Variants in GFRAL observed in about 807,000 individuals in gnomAD.
GFRAL encodes GDNF family receptor alpha-like.
In GFRAL, 36 loss-of-function variants were observed where a neutral mutation model predicts 45.4. The ratio of observed to expected loss-of-function variants is 0.79; its 90% confidence interval spans 0.61 to 1.05. GFRAL has a LOEUF of 1.05. Ranked by LOEUF, GFRAL falls within the 50% of genes least tolerant of loss-of-function variation. GFRAL has a pLI of 0.00. For synonymous variants in GFRAL, 166 were observed against 154.1 expected, an observed-to-expected ratio of 1.08 and a Z score of -0.57; for missense variants, 507 against 467.5, an observed-to-expected ratio of 1.08 and a Z score of -0.78.
intron 6 of GFRAL, among the ~76,000 whole-genome samples, chr6:55,363,442 T>A (rs914758151): frequency 6.6e-6 from 1 of 151,908 alleles, no homozygotes; most frequent in Non-Finnish European, 1.5e-5. Flanking sequence ...TTCTTTTTTT[T>A]TTTTTTAATT....
intron 6 of GFRAL, among the ~76,000 whole-genome samples, chr6:55,390,257 A>T (rs1768730674): frequency 6.6e-6 from 1 of 152,236 alleles, no homozygotes; most frequent in Non-Finnish European, 1.5e-5. Context: ...AAAAATTTTC[A>T]TTAGTGGTAT....
chr6:55,365,866 A>G (rs1768354656), intron 6 of GFRAL, among the ~76,000 whole-genome samples: 1 of 146,584 alleles, frequency 6.8e-6, no homozygotes, highest in Non-Finnish European at 1.5e-5. Flanking sequence ...GGTTTTTTGC[A>G]TCAATGTTCA....
In GFRAL at chr6:55,367,695, T is replaced by G. The variant is rs1320251675; in HGVS notation, c.952+8557T>G. On this transcript the variant is annotated intron_variant, in intron 6 of 8. Coordinates refer to ENST00000340465, the MANE Select transcript of GFRAL (RefSeq NM_207410.2). ...GTAAAGTATTTTATTTCTTCTTCACTTATGAAGCTTAGTTTGGCTGGATAT... is the reference window on the plus strand; with the variant it reads ...GTAAAGTATTTTATTTCTTCTTCACGTATGAAGCTTAGTTTGGCTGGATAT... 3.7e-3 allele frequency among the ~76,000 whole-genome samples: 546 copies of G among 149,318 alleles called. 4 individuals are homozygous for G. The highest frequency in any genetic ancestry group is 0.013 in the African/African-American group (511 of 39,740).
intron 3 of GFRAL, among the ~76,000 whole-genome samples, chr6:55,348,071 A>T (rs1172887570): frequency 6.6e-6 from 1 of 152,166 alleles, no homozygotes; most frequent in Non-Finnish European, 1.5e-5. Context: ...TAGATATTAG[A>T]GCATATTTTA....
chr6:55,391,523 A>G (rs1184029795), intron 6 of GFRAL, among the ~76,000 whole-genome samples: 1 of 152,160 alleles, frequency 6.6e-6, no homozygotes, highest in Non-Finnish European at 1.5e-5. Context: ...GGCCAAGGTA[A>G]GAGGATTGCT....
At chr6:55,349,437 T>C (rs1435607377) in intron 3 of GFRAL, among the ~76,000 whole-genome samples, 2 of 152,098 alleles carry the variant, frequency 1.3e-5, no homozygotes, top group African/African-American at 4.8e-5. Flanking sequence ...CTTTTGGCTT[T>C]GTTTTATATG....
chr6:55,362,523 T>A (rs918187691), intron 6 of GFRAL, among the ~76,000 whole-genome samples: 21 of 151,926 alleles, frequency 1.4e-4, no homozygotes, highest in Non-Finnish European at 2.2e-4. Flanking sequence ...CACAACAAAC[T>A]TACTTGTCTG....
At chr6:55,331,965 T>A in intron 2 of GFRAL, 116 bp downstream of exon 2, 1 of 891,566 alleles carries the variant, frequency 1.1e-6, no homozygotes, top group African/African-American at 1.7e-5. Context: ...TCTTATTTAA[T>A]CTTGACCCCC....
At position 55,401,927 on chromosome 6, in the gene GFRAL, C is replaced by T; in HGVS notation, c.*74C>T. ...CTTCTTTCCTCTTTTCTTCTCTCCT[C>T]TCCTCTCCTCTCTTCTCCTCTCCTC... On this transcript the variant is annotated 3_prime_UTR_variant, in exon 9 of 9. Coordinates refer to ENST00000340465, the MANE Select transcript of GFRAL (RefSeq NM_207410.2). 1.3e-6 allele frequency: 1 copy of T among 793,952 alleles called. No homozygotes were observed. Among genetic ancestry groups the T allele is most frequent in the Non-Finnish European group, 2.2e-6 (1 of 461,166 alleles). The allele number at this position is 793,952 out of a possible 1,614,324, so 49.2% of individuals were successfully genotyped here.
intron 6 of GFRAL, among the ~76,000 whole-genome samples, chr6:55,393,238 T>C (rs1235595277): frequency 2.0e-5 from 3 of 152,216 alleles, no homozygotes; most frequent in Non-Finnish European, 4.4e-5. Context: ...ATTTAGGTAA[T>C]GTATGCCACT....
chr6:55,364,919 C>T (rs1332682667), intron 6 of GFRAL, among the ~76,000 whole-genome samples: 20 of 152,078 alleles, frequency 1.3e-4, no homozygotes, highest in South Asian at 6.2e-4. Flanking sequence ...CTTGGTGATG[C>T]GGGCTCTTTT....
intron 6 of GFRAL, among the ~76,000 whole-genome samples, chr6:55,398,197 T>C (rs1768851872): frequency 6.6e-6 from 1 of 152,206 alleles, no homozygotes; most frequent in Non-Finnish European, 1.5e-5. Context: ...CTGTTGTCAC[T>C]AGTTTTCATC....
chr6:55,343,886 G>T lies in GFRAL; in HGVS notation c.317-6206G>T, dbSNP rs544471453. Among the ~76,000 whole-genome samples, 3 of 152,004 alleles carry T rather than the reference G, an allele frequency of 2.0e-5. No homozygotes were observed. In the East Asian group the frequency reaches 5.8e-4, roughly 29 times the overall value. On this transcript the variant is annotated intron_variant, in intron 3 of 8. Coordinates refer to ENST00000340465, the MANE Select transcript of GFRAL (RefSeq NM_207410.2). ...AGAAATACATCCCACAGAAATACAA[G>T]CTACCATCAGAGAATAAACACCTCT...
intron 5 of GFRAL, 56 bp from the exon 6 acceptor site, chr6:55,358,832 G>A: frequency 6.6e-7 from 1 of 1,519,432 alleles, no homozygotes; most frequent in Non-Finnish European, 9.0e-7. Context: ...GGGATCACAT[G>A]TTAATGTGAA....
chr6:55,395,175 A>AAAAAAATAT, intron 6 of GFRAL, among the ~76,000 whole-genome samples: 7 of 123,488 alleles, frequency 5.7e-5, no homozygotes, highest in African/African-American at 2.4e-4. Context: ...AAAAAAAAAA[A>AAAAAAATAT]ATATATATAT....
At chr6:55,365,376 C>G (rs201959637) in intron 6 of GFRAL, among the ~76,000 whole-genome samples, 12,958 of 132,334 alleles carry the variant, frequency 0.098, 1,051 homozygotes, top group African/African-American at 0.21. Flanking sequence ...ACAATCATGT[C>G]ATCTGCAAAC....
At chr6:55,361,562 G>A (rs185543019) in intron 6 of GFRAL, among the ~76,000 whole-genome samples, 1 of 151,474 alleles carries the variant, frequency 6.6e-6, no homozygotes, top group Non-Finnish European at 1.5e-5. Flanking sequence ...TCCAAAGTTG[G>A]TTGAGTCGAG....
intron 6 of GFRAL, among the ~76,000 whole-genome samples, chr6:55,395,933 C>T (rs1561868733): frequency 2.0e-5 from 3 of 152,168 alleles, no homozygotes; most frequent in Middle Eastern, 3.4e-3. Context: ...AGTTCATAAT[C>T]GTGTTTAATT....
chr6:55,389,556 A>AC (rs1554136435), intron 6 of GFRAL, among the ~76,000 whole-genome samples: 2 of 152,276 alleles, frequency 1.3e-5, no homozygotes, highest in African/African-American at 4.8e-5. Flanking sequence ...TCACAAAAAA[A>AC]CAGTAAATAT....
Sources: gnomAD v4.1 joint callset for allele counts (sites outside exome capture counted in the v4.1 genomes callset) on GRCh38, gnomAD v4.1.1 for gene constraint, MANE v1.5 for transcripts, NCBI Gene and HGNC (gene_info 2026-07-23, HGNC 2026-07-21) for gene names.